HELQ: variants seen among roughly 807,000 people sequenced by gnomAD.
HELQ encodes helicase POLQ-like.
HELQ carries 77 observed loss-of-function variants against 111.6 expected under a neutral mutation model. That is an observed-to-expected ratio of 0.69 (90% CI 0.57 to 0.83). The LOEUF (loss-of-function observed/expected upper bound fraction) is 0.83. HELQ is among the 40% of genes least tolerant of loss of function. The probability of loss-of-function intolerance (pLI) is 0.00; values close to 1 mark genes in which losing one functional copy is unlikely to be tolerated. For synonymous variants in HELQ, 438 were observed against 454.7 expected (o/e 0.96, Z 0.47); for missense variants, 1,200 against 1,288.5 (o/e 0.93, Z 1.05).
intron 6 of HELQ, among the ~76,000 whole-genome samples, chr4:83,442,325 C>T (rs1262507557): frequency 4.7e-5 from 6 of 126,410 alleles, no homozygotes; most frequent in Non-Finnish European, 7.7e-5. Context: ...TGGGGTGTAG[C>T]GGCACAAACA....
intron 17 of HELQ, among the ~76,000 whole-genome samples, chr4:83,408,433 A>G (rs1360647559): frequency 1.3e-5 from 2 of 152,044 alleles, no homozygotes; most frequent in Non-Finnish European, 2.9e-5. Context: ...TTGTATTTTT[A>G]GTAGAGATGG....
intron 13 of HELQ, 42 bp downstream of exon 13, chr4:83,427,521 C>A (rs770575267): frequency 7.0e-7 from 1 of 1,431,770 alleles, no homozygotes; most frequent in Non-Finnish European, 9.3e-7. Context: ...TGTAATAATT[C>A]ATAAACGAAG....
chr4:83,411,347 C>G (rs1001969579), intron 17 of HELQ, among the ~76,000 whole-genome samples: 1 of 151,058 alleles, frequency 6.6e-6, no homozygotes, highest in East Asian at 2.0e-4. Context: ...CATGGTGGCT[C>G]ACTCGTAATC....
Position 83,439,973 on chromosome 4 carries a change from G to A in HELQ, c.1698C>T (p.His566=), listed in dbSNP as rs763913369. The A allele has an allele frequency of 8.7e-6, 14 of 1,612,032 alleles. No homozygotes were observed. The Admixed American group carries it at 2.3e-4, about 27-fold the overall frequency. Residue 566 remains histidine, a synonymous_variant, in exon 8 of 18, where the codon CAC becomes CAT. Transcript: ENST00000295488. The stretch of plus-strand genomic sequence containing the variant: ...TAACTTCTGTCACCAATGCTACCAA[G>A]TGATCAGGATCCATCTTTTTTAGGG... ...SDTLKKMDPD[H]LVALVTEVIP...
intron 9 of HELQ, among the ~76,000 whole-genome samples, chr4:83,433,665 C>CAAAAAA (rs1175098887): frequency 4.2e-5 from 2 of 47,086 alleles, no homozygotes; most frequent in Admixed American, 2.3e-4. Context: ...GACTCCGTCT[C>CAAAAAA]AAAAAAAAAA....
chr4:83,417,649 T>C (rs1280282282), intron 16 of HELQ, among the ~76,000 whole-genome samples: 2 of 152,152 alleles, frequency 1.3e-5, no homozygotes, highest in South Asian at 2.1e-4. Context: ...TGGCTGAAAA[T>C]AGAAAGCTGG....
intron 2 of HELQ, among the ~76,000 whole-genome samples, chr4:83,450,155 T>A (rs1309904489): frequency 3.6e-5 from 5 of 138,946 alleles, no homozygotes; most frequent in African/African-American, 1.3e-4. Flanking sequence ...AATCAACCAA[T>A]GAGATTCTTT....
At chr4:83,454,268 G>A (rs1168817086) in intron 1 of HELQ, among the ~76,000 whole-genome samples, 1 of 152,118 alleles carries the variant, frequency 6.6e-6, no homozygotes, top group African/African-American at 2.4e-5. Flanking sequence ...GCTGTACCAA[G>A]TATATAATTA....
Position 83,407,462 on chromosome 4 carries a change from G to A in HELQ, c.3297C>T (p.Asp1099=). 1 of 1,598,552 alleles carries A rather than the reference G, an allele frequency of 6.3e-7. No individual in the cohort carries two copies. The highest frequency in any genetic ancestry group is 8.5e-7 in the Non-Finnish European group (1 of 1,171,930). The part of the protein sequence containing the change: ...DFPGAVASST[D]KA ...TTCTCATCAGATAGCTTCATGCTTTGTCAGTGGAAGAAGCCACAGCACCAG... is the reference window on the plus strand; with the variant it reads ...TTCTCATCAGATAGCTTCATGCTTTATCAGTGGAAGAAGCCACAGCACCAG... Residue 1099 remains aspartate, a synonymous_variant, in exon 18 of 18, where the codon GAC becomes GAT. Coordinates refer to ENST00000295488, the MANE Select transcript of HELQ (RefSeq NM_133636.5).
At chr4:83,417,948 G>T in intron 16 of HELQ, 145 bp downstream of exon 16, 1 of 490,898 alleles carries the variant, frequency 2.0e-6, no homozygotes, top group Non-Finnish European at 3.7e-6. Flanking sequence ...ACAGCTATTT[G>T]TTTTAAATAA....
At chr4:83,409,770 G>A (rs1053298034) in intron 17 of HELQ, among the ~76,000 whole-genome samples, 3 of 151,646 alleles carry the variant, frequency 2.0e-5, no homozygotes, top group Admixed American at 6.6e-5. Flanking sequence ...GACAAAAACT[G>A]GAAGAAATGA....
intron 8 of HELQ, among the ~76,000 whole-genome samples, chr4:83,437,494 G>A (rs1720522896): frequency 6.6e-6 from 1 of 151,218 alleles, no homozygotes; most frequent in Non-Finnish European, 1.5e-5. Context: ...TGCACCTGCA[G>A]TTCCAGGCTA....
chr4:83,411,113 T>C (rs1242842407), intron 17 of HELQ, among the ~76,000 whole-genome samples: 4 of 147,558 alleles, frequency 2.7e-5, no homozygotes, highest in African/African-American at 1.0e-4. Flanking sequence ...TGAGGCATGA[T>C]TGTGCCACTG....
chr4:83,455,719 AC>A lies in HELQ; in HGVS notation c.-27del. The A allele has an allele frequency of 6.3e-7, 1 of 1,592,236 alleles. No individual in the cohort carries two copies. The highest frequency in any genetic ancestry group is 8.5e-7 in the Non-Finnish European group (1 of 1,173,476). On this transcript the variant is annotated 5_prime_UTR_variant, in exon 1 of 18. It removes the in-frame stop codon of an upstream open reading frame in the 5' UTR. Coordinates refer to ENST00000295488, the MANE Select transcript of HELQ (RefSeq NM_133636.5). ...GGCAAGGACCCAGGGCCCTATTCAG[AC>A]GTCGTTCTCAGTGACCCAGACGCTA...
rs115975794 is a variant in HELQ at position 83,429,687 on chromosome 4, C to T, written c.2355G>A (p.Gln785=). 4.7e-4 allele frequency: 764 copies of T among 1,613,302 alleles called. 5 individuals carry two copies. In the African/African-American group the frequency reaches 9.1e-3, roughly 19 times the overall value. The part of the protein sequence containing the change: ...HFMNGTFFGV[Q]QKVLLKEKSL... ...TTTTTTCTTTCAATAAAACCTTTTG[C>T]TGAACACCAAAAAATGTACCATTCA... Residue 785 remains glutamine (Q), a synonymous_variant, in exon 12 of 18, where the codon CAG becomes CAA. Coordinates refer to ENST00000295488, the MANE Select transcript of HELQ (RefSeq NM_133636.5).
Position 83,455,410 on chromosome 4 carries a change from CCT to C in HELQ, c.282_283del (p.Val96GlyfsTer5). Reference sequence around the variant, plus strand: ...AGTCCTCCGTACCTGGTCTCCCACCCCTCTGTCAGTGGGCATGTGACGTAGGA... The same window carrying C: ...AGTCCTCCGTACCTGGTCTCCCACCCCTGTCAGTGGGCATGTGACGTAGGA... On this transcript the variant is annotated frameshift_variant, in exon 1 of 18. Coordinates refer to ENST00000295488, the MANE Select transcript of HELQ (RefSeq NM_133636.5). LOFTEE classifies it high-confidence loss of function. 13 of 1,612,854 alleles carry C rather than the reference CCT, an allele frequency of 8.1e-6. No homozygotes were observed. Among genetic ancestry groups the C allele is most frequent in the Non-Finnish European group, 1.0e-5 (12 of 1,178,896 alleles).
chr4:83,444,136 A>G (rs1472157150), intron 5 of HELQ, among the ~76,000 whole-genome samples: 7 of 152,212 alleles, frequency 4.6e-5, no homozygotes, highest in African/African-American at 1.7e-4. Context: ...ACTACTTAGA[A>G]GTTTACAGAG....
chr4:83,427,613 A>G lies in HELQ; in HGVS notation c.2626T>C (p.Tyr876His). 6.2e-7 allele frequency: 1 copy of G among 1,604,218 alleles called. No homozygotes were observed. The highest frequency in any genetic ancestry group is 8.5e-7 in the Non-Finnish European group (1 of 1,176,170). ...GGGTTACACTGTGAAACCAGATCAT[A>G]GGGGGTTGTTAGGTAGATTAGATGA... The part of the protein sequence containing the change: ...LLHLIYLTTP[Y>H]DLVSQCNPDW... The change falls in exon 13 of 18, where the codon TAT becomes CAT. Residue 876 changes from tyrosine (Y) to histidine (H), a missense_variant. Physicochemically the swap from Tyr to His is moderately conservative, Grantham distance 83. Transcript: ENST00000295488.
At chr4:83,413,682 TG>T (rs1478901391) in intron 17 of HELQ, among the ~76,000 whole-genome samples, 1 of 152,228 alleles carries the variant, frequency 6.6e-6, no homozygotes, top group Non-Finnish European at 1.5e-5. Flanking sequence ...CTTCTGAGGT[TG>T]GCTCAGAAGA....
Sources: allele counts gnomAD v4.1 joint callset (sites outside exome capture counted in the v4.1 genomes callset), GRCh38; gene constraint gnomAD v4.1.1; transcripts MANE v1.5; gene names NCBI Gene and HGNC (gene_info 2026-07-23, HGNC 2026-07-21).